Variants in ELK4 observed in about 807,000 individuals in gnomAD.
The protein encoded by ELK4 is ETS transcription factor ELK4.
A neutral mutation model predicts 29.6 loss-of-function variants in ELK4; 16 were observed. That is an observed-to-expected ratio of 0.54 (90% CI 0.37 to 0.82). ELK4 has a LOEUF of 0.82. ELK4 is among the 40% of genes least tolerant of loss of function. The pLI, the probability that ELK4 is intolerant of heterozygous loss-of-function variation, is 0.00. For missense variants in ELK4, 465 were observed against 507.1 expected, an observed-to-expected ratio of 0.92 and a Z score of 0.80; for synonymous variants, 213 against 191.1, an observed-to-expected ratio of 1.11 and a Z score of -0.95.
In ELK4 at chr1:205,612,542, A is replaced by G. The variant is rs187734914; in HGVS notation, c.*4004T>C. ...TTATGTTCAATAACTCTTACTGATC[A>G]ATTTGTGTGTTCAAAAAGGCTGGAC... On this transcript the variant is annotated 3_prime_UTR_variant, in exon 5 of 5. Transcript: ENST00000357992. The G allele has an allele frequency of 4.7e-6, 1 of 213,650 alleles. No individual in the cohort carries two copies. The highest frequency in any genetic ancestry group is 7.0e-5 in the East Asian group (1 of 14,272). 13.2% of individuals were successfully genotyped at this position (213,650 alleles called of 1,614,324 possible). A position where few individuals can be genotyped will look rare whatever the true frequency, so the allele number is the denominator to read the frequency against.
intron 4 of ELK4, among the ~76,000 whole-genome samples, chr1:205,617,984 TGA>T (rs898266780): frequency 7.6e-6 from 1 of 131,338 alleles, no homozygotes; most frequent in Non-Finnish European, 1.6e-5. Flanking sequence ...TGTGTGTGTG[TGA>T]GAGAGAGAGA....
At chr1:205,626,983 TAC>T (rs1237598590) in intron 1 of ELK4, among the ~76,000 whole-genome samples, 1 of 151,848 alleles carries the variant, frequency 6.6e-6, no homozygotes, top group Non-Finnish European at 1.5e-5. Context: ...AGGAATGAGG[TAC>T]ACACACACAC....
At chr1:205,627,760 T>G (rs1670495512) in intron 1 of ELK4, among the ~76,000 whole-genome samples, 1 of 152,154 alleles carries the variant, frequency 6.6e-6, no homozygotes, top group African/African-American at 2.4e-5. Context: ...AGGGCAGAGA[T>G]AAGAAACTGT....
At chr1:205,617,921 T>A (rs1310463330) in intron 4 of ELK4, among the ~76,000 whole-genome samples, 1 of 151,970 alleles carries the variant, frequency 6.6e-6, no homozygotes, top group Admixed American at 6.6e-5. Context: ...TTTTTTTTAA[T>A]CTTTAATTAA....
At position 205,616,297 on chromosome 1, in the gene ELK4, G is replaced by C. The variant is rs1258060639; in HGVS notation, c.*249C>G. 1 of 372,388 alleles carries C rather than the reference G, an allele frequency of 2.7e-6. No homozygotes were observed. Among genetic ancestry groups the C allele is most frequent in the Non-Finnish European group, 4.9e-6 (1 of 202,558 alleles). The allele number at this position is 372,388 out of a possible 1,614,324, so 23.1% of individuals were successfully genotyped here. ...AAAGGAGAAAAGAAAAGGAAGGAAG[G>C]AAAGAAAAAGAAAAGGAAAAGACAG... On this transcript the variant is annotated 3_prime_UTR_variant, in exon 5 of 5. Transcript: ENST00000357992.
In ELK4 at chr1:205,609,660, G is replaced by A. The variant is rs1670125272; in HGVS notation, c.*6886C>T. The A allele has an allele frequency of 4.9e-6, 1 of 205,872 alleles. No homozygotes were observed. The highest frequency in any genetic ancestry group is 9.9e-6 in the Non-Finnish European group (1 of 100,574). The allele number at this position is 205,872 out of a possible 1,614,324, so 12.8% of individuals were successfully genotyped here. On this transcript the variant is annotated 3_prime_UTR_variant, in exon 5 of 5. Transcript: ENST00000357992. Reference sequence around the variant, plus strand: ...GCCCCAAGTAACAAAACAATGAAATGTCAGGATTGTGTCCCCTACACAATA... The same window carrying A: ...GCCCCAAGTAACAAAACAATGAAATATCAGGATTGTGTCCCCTACACAATA...
At chr1:205,619,818 G>C (rs766609848) in intron 3 of ELK4, 148 bp downstream of exon 3, 10 of 1,562,012 alleles carry the variant, frequency 6.4e-6, no homozygotes, top group Admixed American at 3.9e-5. Context: ...GATGAGAAAT[G>C]GGGTAACTTT....
At chr1:205,623,354 G>C (rs1041934678) in intron 2 of ELK4, among the ~76,000 whole-genome samples, 14 of 146,746 alleles carry the variant, frequency 9.5e-5, no homozygotes, top group African/African-American at 3.6e-4. Flanking sequence ...CTGTCACCCA[G>C]GCTGGAGTGC....
intron 1 of ELK4, 85 bp from the exon 2 acceptor site, chr1:205,623,976 CTAAATG>C: frequency 8.2e-7 from 1 of 1,218,676 alleles, no homozygotes; most frequent in East Asian, 2.4e-5. Flanking sequence ...TTTAAGTGCT[CTAAATG>C]TATTAATTCA....
At chr1:205,617,957 C>T (rs1670262522) in intron 4 of ELK4, among the ~76,000 whole-genome samples, 1 of 147,898 alleles carries the variant, frequency 6.8e-6, no homozygotes, top group South Asian at 2.2e-4. Context: ...TGCAGAGATC[C>T]CCCATATATG....
chr1:205,616,196 T>C lies in ELK4; in HGVS notation c.*350A>G, dbSNP rs535502997. 3.8e-6 allele frequency: 1 copy of C among 265,122 alleles called. No individual in the cohort carries two copies. The highest frequency in any genetic ancestry group is 7.3e-6 in the Non-Finnish European group (1 of 136,260). 16.4% of individuals were successfully genotyped at this position (265,122 alleles called of 1,614,324 possible). A position where few individuals can be genotyped will look rare whatever the true frequency, so the allele number is the denominator to read the frequency against. Reference sequence around the variant, plus strand: ...CCAATAGCCAGAAGGAGTAACTTTGTTCTTAATTGCTTTTGCAAAGCACAG... The same window carrying C: ...CCAATAGCCAGAAGGAGTAACTTTGCTCTTAATTGCTTTTGCAAAGCACAG... On this transcript the variant is annotated 3_prime_UTR_variant, in exon 5 of 5. Coordinates refer to ENST00000357992, the MANE Select transcript of ELK4 (RefSeq NM_001973.4).
intron 1 of ELK4, chr1:205,625,590 G>A (rs934134436): frequency 1.6e-5 from 20 of 1,216,834 alleles, no homozygotes; most frequent in Non-Finnish European, 2.3e-5. Context: ...AGTAGAAAAG[G>A]CTCCCAAAGC....
intron 2 of ELK4, among the ~76,000 whole-genome samples, chr1:205,622,949 C>A (rs1442283162): frequency 1.3e-5 from 2 of 151,830 alleles, no homozygotes; most frequent in African/African-American, 4.8e-5. Context: ...ACCAACTTGG[C>A]CAACATGGTG....
chr1:205,623,986 T>A, intron 1 of ELK4, 95 bp from the exon 2 acceptor site: 1 of 1,109,924 alleles, frequency 9.0e-7, no homozygotes, highest in Non-Finnish European at 1.3e-6. Flanking sequence ...CTAAATGTAT[T>A]AATTCATCCC....
At position 205,616,727 on chromosome 1, in the gene ELK4, A is replaced by G. The variant is rs371746763; in HGVS notation, c.1198-83T>C. 3.5e-6 allele frequency: 4 copies of G among 1,156,248 alleles called. No homozygotes were observed. In the African/African-American group the frequency reaches 6.1e-5, roughly 18 times the overall value. The allele number at this position is 1,156,248 out of a possible 1,614,324, so 71.6% of individuals were successfully genotyped here. On this transcript the variant is annotated intron_variant, in intron 4 of 4. Transcript: ENST00000357992. ...CTATCCTACTCTATTACCTGAGGCA[A>G]AACACAACAGCCTTCTGTAATGGCT...
At chr1:205,629,170 CA>C (rs61374496) in intron 1 of ELK4, among the ~76,000 whole-genome samples, 44,619 of 91,470 alleles carry the variant, frequency 0.49, 7,434 homozygotes, top group Middle Eastern at 0.62. Flanking sequence ...GACTACGTCT[CA>C]AAAAAAAAAA....
intron 1 of ELK4, among the ~76,000 whole-genome samples, chr1:205,629,996 C>G (rs765299184): frequency 6.6e-6 from 1 of 152,050 alleles, no homozygotes; most frequent in Non-Finnish European, 1.5e-5. Context: ...CACCACATCA[C>G]TGCACTCCAG....
rs1197516611 is a variant in ELK4, at chr1:205,612,247, T to C, written c.*4299A>G. Reference sequence around the variant, plus strand: ...ACTCCAAATCTCTAGGATTTCTCCATATATCATAAGAGAGCATCATATATG... The same window carrying C: ...ACTCCAAATCTCTAGGATTTCTCCACATATCATAAGAGAGCATCATATATG... On this transcript the variant is annotated 3_prime_UTR_variant, in exon 5 of 5. Coordinates refer to ENST00000357992, the MANE Select transcript of ELK4 (RefSeq NM_001973.4). 2 of 205,342 alleles carry C rather than the reference T, an allele frequency of 9.7e-6. No homozygotes were observed. Among genetic ancestry groups the C allele is most frequent in the East Asian group, 1.5e-4 (2 of 13,396 alleles). 12.7% of individuals were successfully genotyped at this position (205,342 alleles called of 1,614,324 possible).
At chr1:205,616,892 C>T (rs1038522562) in intron 4 of ELK4, among the ~76,000 whole-genome samples, 1 of 152,208 alleles carries the variant, frequency 6.6e-6, no homozygotes, top group African/African-American at 2.4e-5. Context: ...AAAGAACAAC[C>T]TGTACCCTCC....
Sources: gnomAD v4.1 joint callset for allele counts (sites outside exome capture counted in the v4.1 genomes callset) on GRCh38, gnomAD v4.1.1 for gene constraint, MANE v1.5 for transcripts, NCBI Gene and HGNC (gene_info 2026-07-23, HGNC 2026-07-21) for gene names.